EFCAB11: variants seen among roughly 807,000 people sequenced by gnomAD.
The protein encoded by EFCAB11 is EF-hand calcium binding domain 11, also known as EF-hand calcium-binding domain-containing protein 11.
A neutral mutation model predicts 23.0 loss-of-function variants in EFCAB11; 14 were observed. That is an observed-to-expected ratio of 0.61 (90% CI 0.40 to 0.95). The LOEUF (loss-of-function observed/expected upper bound fraction) is 0.95. EFCAB11 is among the 40% of genes least tolerant of loss of function. The pLI, the probability that EFCAB11 is intolerant of heterozygous loss-of-function variation, is 0.00. For missense variants in EFCAB11, 198 were observed against 195.8 expected (o/e 1.01, Z -0.07); for synonymous variants, 65 against 66.6 (o/e 0.98, Z 0.11).
intron 5 of EFCAB11, among the ~76,000 whole-genome samples, chr14:89,890,970 G>A (rs1033197444): frequency 5.9e-5 from 9 of 152,242 alleles, no homozygotes; most frequent in East Asian, 1.9e-4. Context: ...AATAAAAAAC[G>A]ATCATTCACC....
At position 89,860,975 on chromosome 14, in the gene EFCAB11, T is replaced by C. The variant is rs540080484; in HGVS notation, c.411-63651A>G. On this transcript the variant is annotated intron_variant, in intron 5 of 5. Transcript: ENST00000316738. Reference sequence around the variant, plus strand: ...GCCATCTGGTACCCACTTCCACTACTTTTCTGAAGTTACTCAAAGGTCAAC... The same window carrying C: ...GCCATCTGGTACCCACTTCCACTACCTTTCTGAAGTTACTCAAAGGTCAAC... 3.3e-5 allele frequency among the ~76,000 whole-genome samples: 5 copies of C among 152,288 alleles called. No individual in the cohort carries two copies. In the South Asian group the frequency reaches 1.0e-3, roughly 32 times the overall value.
chr14:89,891,437 ATAT>A lies in EFCAB11; in HGVS notation c.410+40101_410+40103del, dbSNP rs1888960018. On this transcript the variant is annotated intron_variant, in intron 5 of 5. Transcript: ENST00000316738. ...CATTAAAATTACTTAAGAGTTTGAG[ATAT>A]TATGGTAGAAATCAGAGTTTTTCAA... Among the ~76,000 whole-genome samples the A allele has an allele frequency of 3.3e-5, 5 of 152,296 alleles. No homozygotes were observed. The South Asian group carries it at 1.0e-3, about 32-fold the overall frequency.
rs201884376 is a variant in EFCAB11, at chr14:89,838,227, ACT to A, written c.411-40905_411-40904del. On this transcript the variant is annotated intron_variant, in intron 5 of 5. Coordinates refer to ENST00000316738, the MANE Select transcript of EFCAB11 (RefSeq NM_145231.4). ...GTACTACAGAACACTCTGAATAAAG[ACT>A]TAAAAATCCTCAGTCATAATAGAGA... Among the ~76,000 whole-genome samples the A allele has an allele frequency of 8.0e-4, 122 of 152,344 alleles. No individual in the cohort carries two copies. In the East Asian group the frequency reaches 0.019, roughly 24 times the overall value.
chr14:89,924,761 T>C lies in EFCAB11; in HGVS notation c.410+6780A>G, dbSNP rs891810312. ...GAGGAAAATGGAAAGCAAAGCCACA[T>C]GTGGCTATGAAGCTCCTGACTGCAT... On this transcript the variant is annotated intron_variant, in intron 5 of 5. Transcript: ENST00000316738. 23 of 1,463,034 alleles carry C rather than the reference T, an allele frequency of 1.6e-5. No individual in the cohort carries two copies. The African/African-American group carries it at 3.1e-4, about 20-fold the overall frequency. The allele number at this position is 1,463,034 out of a possible 1,614,324, so 90.6% of individuals were successfully genotyped here.
At chr14:89,910,320 G>C (rs951745846) in intron 5 of EFCAB11, among the ~76,000 whole-genome samples, 1 of 152,156 alleles carries the variant, frequency 6.6e-6, no homozygotes, top group South Asian at 2.1e-4. Flanking sequence ...TCTAGTGACC[G>C]GGTGCAGTGG....
intron 5 of EFCAB11, among the ~76,000 whole-genome samples, chr14:89,883,595 A>C (rs1356350036): frequency 1.3e-5 from 2 of 152,208 alleles, no homozygotes; most frequent in African/African-American, 2.4e-5. Flanking sequence ...CAAAGAAAAA[A>C]GTCTGTATAT....
At chr14:89,856,637 G>T (rs1887763150) in intron 5 of EFCAB11, among the ~76,000 whole-genome samples, 1 of 152,146 alleles carries the variant, frequency 6.6e-6, no homozygotes, top group African/African-American at 2.4e-5. Context: ...TAACAGCTAT[G>T]AAGTAGCATC....
At chr14:89,911,868 G>C (rs1889689839) in intron 5 of EFCAB11, among the ~76,000 whole-genome samples, 2 of 152,206 alleles carry the variant, frequency 1.3e-5, no homozygotes, top group African/African-American at 4.8e-5. Context: ...CAGAGCACGT[G>C]TCCTGTGCCA....
At chr14:89,891,293 G>T (rs1483704268) in intron 5 of EFCAB11, among the ~76,000 whole-genome samples, 1 of 152,194 alleles carries the variant, frequency 6.6e-6, no homozygotes, top group African/African-American at 2.4e-5. Flanking sequence ...ACTTCAACTA[G>T]AGGTTCTATG....
At chr14:89,845,511 A>G (rs1242437136) in intron 5 of EFCAB11, among the ~76,000 whole-genome samples, 1 of 152,164 alleles carries the variant, frequency 6.6e-6, no homozygotes, top group Non-Finnish European at 1.5e-5. Context: ...TGCACTTTGA[A>G]CAGCCAAGAG....
At chr14:89,935,833 AC>A (rs1890561413) in intron 3 of EFCAB11, among the ~76,000 whole-genome samples, 1 of 152,086 alleles carries the variant, frequency 6.6e-6, no homozygotes, top group African/African-American at 2.4e-5. Flanking sequence ...ACAAGGCAAA[AC>A]CTATCTCCAC....
chr14:89,925,229 A>G (rs995168621), intron 5 of EFCAB11, among the ~76,000 whole-genome samples: 8 of 152,218 alleles, frequency 5.3e-5, no homozygotes, highest in Admixed American at 4.6e-4. Context: ...GCCAAGGGAA[A>G]CACAGGAATT....
chr14:89,868,496 C>T (rs186576170), intron 5 of EFCAB11, among the ~76,000 whole-genome samples: 14 of 152,182 alleles, frequency 9.2e-5, no homozygotes, highest in East Asian at 1.9e-4. Context: ...TAAAATACTC[C>T]GTAGAATTAA....
chr14:89,866,805 TTTTTTA>T (rs146211330), intron 5 of EFCAB11, among the ~76,000 whole-genome samples: 7,992 of 152,286 alleles, frequency 0.052, 347 homozygotes, highest in African/African-American at 0.11. Flanking sequence ...TATTTATCTT[TTTTTTA>T]TTTTTATTTT....
At chr14:89,823,398 G>T (rs545382745) in intron 5 of EFCAB11, among the ~76,000 whole-genome samples, 11 of 152,250 alleles carry the variant, frequency 7.2e-5, no homozygotes, top group Middle Eastern at 3.4e-3. Context: ...CCAACACCTT[G>T]ATTTTGACCT....
At chr14:89,954,210 T>C (rs1226905568) in intron 1 of EFCAB11, 1 of 1,005,160 alleles carries the variant, frequency 9.9e-7, no homozygotes, top group African/African-American at 1.6e-5. Flanking sequence ...TCCCTCAAAG[T>C]GCAAACGAGT....
intron 5 of EFCAB11, chr14:89,836,594 A>G (rs1407162545): frequency 6.6e-6 from 3 of 456,652 alleles, no homozygotes; most frequent in African/African-American, 2.0e-5. Flanking sequence ...GATGTTCCAC[A>G]TGAACCTCCA....
rs1291419481 is a variant in EFCAB11 at position 89,797,299 on chromosome 14, G to A, written c.436C>T (p.His146Tyr). ...FREVDRDSDG[H>Y]VSFRDFEYAL... is the part of the protein sequence containing the mutation. ...TATTCAAAGTCTCTAAAGCTGACGT[G>A]ACCATCTGAATCTCGATCTACTTCC... Residue 146 changes from histidine (H) to tyrosine (Y), a missense_variant, in exon 6 of 6, where the codon CAC becomes TAC. Transcript: ENST00000316738. 1.9e-6 allele frequency: 3 copies of A among 1,612,950 alleles called. No homozygotes were observed. Among genetic ancestry groups the A allele is most frequent in the Non-Finnish European group, 1.7e-6 (2 of 1,179,750 alleles).
chr14:89,817,426 TAGG>T (rs1886369817), intron 5 of EFCAB11, among the ~76,000 whole-genome samples: 1 of 152,096 alleles, frequency 6.6e-6, no homozygotes, highest in South Asian at 2.1e-4. Flanking sequence ...AAGGCTGAGA[TAGG>T]AGGATCACTT....
Sources: gnomAD v4.1 joint callset for allele counts (sites outside exome capture counted in the v4.1 genomes callset) on GRCh38, gnomAD v4.1.1 for gene constraint, MANE v1.5 for transcripts, NCBI Gene and HGNC (gene_info 2026-07-23, HGNC 2026-07-21) for gene names.